Variants in SCFD1 observed in about 807,000 individuals in gnomAD.
SCFD1 encodes the protein sec1 family domain containing 1, also known as sec1 family domain-containing protein 1.
Under a neutral mutation model 103.2 loss-of-function variants are expected in SCFD1, and 37 were observed. That is an observed-to-expected ratio of 0.36 (90% CI 0.28 to 0.47). The LOEUF (loss-of-function observed/expected upper bound fraction) is 0.47. Ranked by LOEUF, SCFD1 falls within the 20% of genes least tolerant of loss-of-function variation. The pLI, the probability that SCFD1 is intolerant of heterozygous loss-of-function variation, is 1.00. For missense variants in SCFD1, 639 were observed against 761.2 expected, an observed-to-expected ratio of 0.84 and a Z score of 1.89; for synonymous variants, 264 against 245.0, an observed-to-expected ratio of 1.08 and a Z score of -0.73.
rs773364998 is a variant in SCFD1 at position 30,653,489 on chromosome 14, C to T, written c.756C>T (p.Ser252=). The change falls in exon 10 of 25, where the codon AGC becomes AGT. Residue 252 remains serine, a splice_region_variant and synonymous_variant. Transcript: ENST00000458591. ...TGDTLGAGQF[S]FQRPLLVLVD... is the part of the protein sequence containing the mutation. ...AATTTTTTTATATGTATATTTACAG[C>T]TTCCAGAGGCCCTTATTAGTCCTTG... is the stretch of plus-strand genomic sequence containing the variant. 1 of 1,602,534 alleles carries T rather than the reference C, an allele frequency of 6.2e-7. No individual in the cohort carries two copies. Among genetic ancestry groups the T allele is most frequent in the Non-Finnish European group, 8.5e-7 (1 of 1,170,608 alleles).
chr14:30,692,476 A>G (rs1261857585), intron 14 of SCFD1, among the ~76,000 whole-genome samples: 1 of 152,170 alleles, frequency 6.6e-6, no homozygotes, highest in East Asian at 1.9e-4. Flanking sequence ...GGATTGAAGG[A>G]AGAGTTGTAG....
intron 17 of SCFD1, among the ~76,000 whole-genome samples, chr14:30,704,704 TC>T (rs917651431): frequency 2.6e-5 from 4 of 152,196 alleles, no homozygotes; most frequent in African/African-American, 9.6e-5. Context: ...TACATTTTTT[TC>T]CCTTATAAAA....
rs761625638 is a variant in SCFD1 at position 30,674,973 on chromosome 14, G to T, written c.1161-11G>T. 1.6e-5 allele frequency: 24 copies of T among 1,522,648 alleles called. No homozygotes were observed. The highest frequency in any genetic ancestry group is 2.1e-5 in the Admixed American group (1 of 47,990). 94.3% of individuals were successfully genotyped at this position (1,522,648 alleles called of 1,614,324 possible). A position where few individuals can be genotyped will look rare whatever the true frequency, so the allele number is the denominator to read the frequency against. On this transcript the variant is annotated splice_polypyrimidine_tract_variant and intron_variant, in intron 13 of 24. Transcript: ENST00000458591. Reference sequence around the variant, plus strand: ...TTTATTGGTTAATATTTAATTTTTTGATACTTGCAGTTCTTTGCCAGAACT... The same window carrying T: ...TTTATTGGTTAATATTTAATTTTTTTATACTTGCAGTTCTTTGCCAGAACT...
intron 3 of SCFD1, among the ~76,000 whole-genome samples, chr14:30,631,523 T>A (rs1301768053): frequency 1.3e-5 from 2 of 152,202 alleles, no homozygotes; most frequent in African/African-American, 4.8e-5. Flanking sequence ...CAAAAAATCC[T>A]AAGTTGAACC....
At chr14:30,724,072 TAAAA>T (rs59654790) in intron 23 of SCFD1, among the ~76,000 whole-genome samples, 150 of 91,352 alleles carry the variant, frequency 1.6e-3, no homozygotes, top group South Asian at 3.6e-3. Context: ...ACCAGTATCT[TAAAA>T]AAAAAAAAAA....
intron 23 of SCFD1, among the ~76,000 whole-genome samples, chr14:30,728,001 G>A (rs753420155): frequency 8.5e-5 from 13 of 152,168 alleles, no homozygotes; most frequent in Non-Finnish European, 1.0e-4. Context: ...TTCATGTCAT[G>A]TTTGCAACTG....
chr14:30,671,212 T>TA (rs1888507773), intron 11 of SCFD1, among the ~76,000 whole-genome samples: 2 of 152,222 alleles, frequency 1.3e-5, no homozygotes, highest in South Asian at 4.1e-4. Context: ...TTTTTTTACT[T>TA]ACAACTTTTT....
chr14:30,654,816 A>G (rs1472887185), intron 10 of SCFD1, among the ~76,000 whole-genome samples: 4 of 152,356 alleles, frequency 2.6e-5, no homozygotes, highest in African/African-American at 7.2e-5. Flanking sequence ...CTTCTATGCC[A>G]TGACTCTAGG....
At chr14:30,650,937 C>T (rs1012504278) in intron 9 of SCFD1, among the ~76,000 whole-genome samples, 3 of 151,842 alleles carry the variant, frequency 2.0e-5, no homozygotes, top group Admixed American at 1.3e-4. Flanking sequence ...ATCATTAAAC[C>T]GCTTGGTTAT....
intron 16 of SCFD1, 79 bp from the exon 17 acceptor site, chr14:30,702,217 T>C (rs375488220): frequency 2.3e-5 from 22 of 975,384 alleles, no homozygotes; most frequent in East Asian, 7.3e-5. Flanking sequence ...GGTCTTACTT[T>C]TTAATTAATC....
intron 9 of SCFD1, 96 bp from the exon 10 acceptor site, chr14:30,653,393 C>G: frequency 1.3e-6 from 1 of 752,174 alleles, no homozygotes; most frequent in East Asian, 2.6e-5. Flanking sequence ...TACTATTATT[C>G]ATATCAAAAT....
At chr14:30,678,081 A>AC (rs1252625810) in intron 14 of SCFD1, among the ~76,000 whole-genome samples, 2 of 151,078 alleles carry the variant, frequency 1.3e-5, no homozygotes, top group Non-Finnish European at 3.0e-5. Flanking sequence ...CTCATGATCC[A>AC]CCCGCCTCGG....
intron 7 of SCFD1, among the ~76,000 whole-genome samples, chr14:30,646,361 G>A (rs1238516096): frequency 2.7e-5 from 4 of 150,592 alleles, no homozygotes; most frequent in African/African-American, 1.0e-4. Flanking sequence ...TTTTTCAAAA[G>A]CCTTTTCTGT....
At chr14:30,673,874 C>A in intron 12 of SCFD1, 50 bp from the exon 13 acceptor site, 1 of 1,261,904 alleles carries the variant, frequency 7.9e-7, no homozygotes, top group Non-Finnish European at 1.2e-6. Flanking sequence ...GATTTTTATG[C>A]TTGTGCCTGG....
At chr14:30,669,909 G>A (rs1888385815) in intron 10 of SCFD1, 1 of 177,980 alleles carries the variant, frequency 5.6e-6, no homozygotes, top group African/African-American at 2.4e-5. Flanking sequence ...GCTGTAAAAT[G>A]TATTATTAGA....
chr14:30,733,010 CT>C (rs544945622), intron 23 of SCFD1, among the ~76,000 whole-genome samples: 191 of 141,660 alleles, frequency 1.3e-3, no homozygotes, highest in South Asian at 1.6e-3. Context: ...ATTTTTTTTT[CT>C]TTTTTTTTTT....
chr14:30,718,956 A>C (rs1181030762), intron 20 of SCFD1, among the ~76,000 whole-genome samples: 1 of 152,230 alleles, frequency 6.6e-6, no homozygotes, highest in East Asian at 1.9e-4. Context: ...GAAGAGAATT[A>C]GTTTCTCTGG....
At chr14:30,704,055 T>C (rs568021804) in intron 17 of SCFD1, among the ~76,000 whole-genome samples, 61 of 150,856 alleles carry the variant, frequency 4.0e-4, no homozygotes, top group African/African-American at 1.4e-3. Context: ...TTTATCAATA[T>C]TCTTAAGTTG....
intron 10 of SCFD1, among the ~76,000 whole-genome samples, chr14:30,661,652 A>G (rs1047687790): frequency 6.6e-6 from 1 of 152,186 alleles, no homozygotes; most frequent in Non-Finnish European, 1.5e-5. Flanking sequence ...TACAGTCTCT[A>G]GGAGCTTCTG....
Sources: gnomAD v4.1 joint callset for allele counts (sites outside exome capture counted in the v4.1 genomes callset) on GRCh38, gnomAD v4.1.1 for gene constraint, MANE v1.5 for transcripts, NCBI Gene and HGNC (gene_info 2026-07-23, HGNC 2026-07-21) for gene names.